HSPG2: variants seen among roughly 807,000 people sequenced by gnomAD.
The protein encoded by HSPG2 is basement membrane-specific heparan sulfate proteoglycan core protein.
HSPG2 carries 278 observed loss-of-function variants against 526.6 expected under a neutral mutation model. The ratio of observed to expected loss-of-function variants is 0.53; its 90% CI spans 0.48 to 0.58. HSPG2 has a LOEUF of 0.58. Ranked by LOEUF, HSPG2 falls within the 20% of genes least tolerant of loss-of-function variation. The pLI is 0.00. For synonymous variants in HSPG2, 2,465 were observed against 2,555.4 expected, an observed-to-expected ratio of 0.96 and a Z score of 1.07; for missense variants, 5,354 against 6,099.5, an observed-to-expected ratio of 0.88 and a Z score of 4.07.
At chr1:21,889,747 T>C (rs1642212984) in intron 6 of HSPG2, 1 of 585,396 alleles carries the variant, frequency 1.7e-6, no homozygotes, top group South Asian at 2.1e-5. Flanking sequence ...ATTGTCAATG[T>C]GCAGAGGTCT....
rs1356728685 is a variant in HSPG2, at chr1:21,855,511, C to T, written c.5854+12G>A. 1 of 1,610,666 alleles carries T rather than the reference C, an allele frequency of 6.2e-7. No individual in the cohort carries two copies. The highest frequency in any genetic ancestry group is 8.5e-7 in the Non-Finnish European group (1 of 1,179,222). On this transcript the variant is annotated intron_variant, in intron 46 of 96. Transcript: ENST00000374695. ...CACACTCCCGGCCCCCACCCTGAGC[C>T]CGGCCTCTCACCATGCACGTGGAGC...
At chr1:21,932,746 TGGGAGTGTGTTTC>T (rs1423130404) in intron 1 of HSPG2, among the ~76,000 whole-genome samples, 2 of 151,976 alleles carry the variant, frequency 1.3e-5, no homozygotes, top group African/African-American at 4.8e-5. Flanking sequence ...GACCCTAAGG[TGGGAGTGTGTTTC>T]ACATGCTCAA....
At chr1:21,841,925 C>A (rs375109511) in intron 69 of HSPG2, 77 bp downstream of exon 69, 1 of 1,585,290 alleles carries the variant, frequency 6.3e-7, no homozygotes, top group Non-Finnish European at 8.6e-7. Context: ...GACTTCTGCC[C>A]CACCCTTGCA....
At chr1:21,908,394 TGA>T in intron 1 of HSPG2, 1 of 1,053,032 alleles carries the variant, frequency 9.5e-7, no homozygotes, top group Non-Finnish European at 1.5e-6. Flanking sequence ...TTAAGCACTC[TGA>T]GAGCCGAGAT....
At chr1:21,931,557 T>C (rs1412133049) in intron 1 of HSPG2, among the ~76,000 whole-genome samples, 1 of 152,130 alleles carries the variant, frequency 6.6e-6, no homozygotes, top group Admixed American at 6.5e-5. Flanking sequence ...CCAAGTCATA[T>C]TCACTTCCTC....
intron 57 of HSPG2, 41 bp from the exon 58 acceptor site, chr1:21,849,072 C>T: frequency 6.2e-7 from 1 of 1,604,108 alleles, no homozygotes; most frequent in Admixed American, 1.7e-5. Context: ...CAGAGCTGGG[C>T]ACTGCGGCTC....
chr1:21,884,752 G>C lies in HSPG2; in HGVS notation c.1507+15C>G, dbSNP rs370657870. ...TCTGCCCCCACACCCGGTGACACCT[G>C]CCCTCCGGCAGTACCTCGTTGTGGG... On this transcript the variant is annotated intron_variant, in intron 12 of 96. Coordinates refer to ENST00000374695, the MANE Select transcript of HSPG2 (RefSeq NM_005529.7). The C allele has an allele frequency of 4.0e-5, 65 of 1,613,038 alleles. No individual in the cohort carries two copies. The African/African-American group carries it at 8.3e-4, about 21-fold the overall frequency.
intron 80 of HSPG2, 55 bp from the exon 81 acceptor site, chr1:21,832,661 TC>T: frequency 1.4e-6 from 2 of 1,380,694 alleles, no homozygotes; most frequent in East Asian, 2.3e-5. Context: ...CTCCCTGTCC[TC>T]CCCCACCCTA....
At position 21,831,492 on chromosome 1, in the gene HSPG2, G is replaced by A; in HGVS notation, c.11423C>T (p.Pro3808Leu). The change falls in exon 83 of 97, where the codon CCC (proline) becomes CTC (leucine). Residue 3808 changes from proline to leucine, a missense_variant. Physicochemically the swap from Pro to Leu is moderately conservative, Grantham distance 98. Transcript: ENST00000374695. ...GAAGCCGCTGCTCAGCCCCGCCTTG[G>A]GGATGGCACCATAGTCAGGATAGCC... ...LGGYPDYGAIPKAGLSSGFIG... is the reference protein window; with the variant it reads ...LGGYPDYGAILKAGLSSGFIG... 2 of 1,614,114 alleles carry A rather than the reference G, an allele frequency of 1.2e-6. No homozygotes were observed. The highest frequency in any genetic ancestry group is 1.3e-5 in the African/African-American group (1 of 75,046).
rs1303145087 is a variant in HSPG2, at chr1:21,828,931, G to A, written c.12141C>T (p.Asn4047=). Residue 4047 remains asparagine, a synonymous_variant, in exon 88 of 97, where the codon AAC becomes AAT. Coordinates refer to ENST00000374695, the MANE Select transcript of HSPG2 (RefSeq NM_005529.7). This position sits in a 1 kb window ranked among gnomAD's most constrained non-coding sequence, Gnocchi z 6.0. ...CCCCCAGGTAGAGCAGGGTGTGCAG[G>A]TTGAGGCCCTGGCTCTTGCCGGGCG... ...RSSPGKSQGL[N]LHTLLYLGGV... 3.2e-6 allele frequency: 5 copies of A among 1,570,386 alleles called. No homozygotes were observed. The East Asian group carries it at 7.1e-5, about 22-fold the overall frequency.
chr1:21,873,039 G>C lies in HSPG2; in HGVS notation c.3846C>G (p.Ser1282Arg), dbSNP rs747787010. ...CAGCAGCATCACACTGGCTGCTGAC[G>C]CTGCCTTGGGGGTCACAGTTGCAGC... The part of the protein sequence containing the change: ...PIGCNCDPQG[S>R]VSSQCDAAGQ... The change falls in exon 31 of 97, where the codon AGC becomes AGG. Residue 1282 changes from serine (S) to arginine (R), a missense_variant. Transcript: ENST00000374695. The C allele has an allele frequency of 3.5e-5, 56 of 1,606,016 alleles. No individual in the cohort carries two copies. Among genetic ancestry groups the C allele is most frequent in the Non-Finnish European group, 4.2e-5 (50 of 1,179,962 alleles).
chr1:21,847,306 G>A lies in HSPG2; in HGVS notation c.8164+48C>T, dbSNP rs533357782. 3 of 1,610,700 alleles carry A rather than the reference G, an allele frequency of 1.9e-6. No individual in the cohort carries two copies. Among genetic ancestry groups the A allele is most frequent in the East Asian group, 4.5e-5 (2 of 44,874 alleles). On this transcript the variant is annotated intron_variant, in intron 62 of 96. Coordinates refer to ENST00000374695, the MANE Select transcript of HSPG2 (RefSeq NM_005529.7). This position sits in a 1 kb window ranked among gnomAD's most constrained non-coding sequence, Gnocchi z 4.1. ...CTGACCTGAAAGTTCCTTCTCCCCA[G>A]GGAACACTGTTGCCTGCATCCCTCG...
intron 1 of HSPG2, among the ~76,000 whole-genome samples, chr1:21,930,288 A>G (rs2152804552): frequency 6.6e-6 from 1 of 152,180 alleles, no homozygotes; most frequent in Admixed American, 6.5e-5. Flanking sequence ...ATCTTATCAG[A>G]GGCTTTTCCT....
In HSPG2 at chr1:21,830,078, G is replaced by C. The variant is rs62642501; in HGVS notation, c.11685C>G (p.Pro3895=). 5.5e-4 allele frequency: 886 copies of C among 1,597,792 alleles called. 4 individuals are homozygous for C. The African/African-American group carries it at 9.5e-3, about 17-fold the overall frequency. ...CAGGCCGGTTCACACAGGTGGCGTC[G>C]GGCCCACAGGCCTCTGGGGGGCACA... The part of the protein sequence containing the change: ...ALHCHPEACG[P]DATCVNRPDG... Residue 3895 remains proline, a synonymous_variant, in exon 86 of 97, where the codon CCC becomes CCG. Transcript: ENST00000374695.
intron 1 of HSPG2, among the ~76,000 whole-genome samples, chr1:21,929,459 G>T (rs1014661493): frequency 6.6e-6 from 1 of 151,684 alleles, no homozygotes; most frequent in Non-Finnish European, 1.5e-5. Flanking sequence ...CCAGGCTGGA[G>T]CGCAGTGGCA....
At chr1:21,876,447 G>C (rs763173925) in intron 22 of HSPG2, 42 bp from the exon 23 acceptor site, 1 of 1,612,038 alleles carries the variant, frequency 6.2e-7, no homozygotes, top group Non-Finnish European at 8.5e-7. Flanking sequence ...CCGTGGCCTG[G>C]GACTGGCGCT....
rs1386675777 is a variant in HSPG2 at position 21,878,497 on chromosome 1, G to A, written c.2559-6C>T. On this transcript the variant is annotated splice_region_variant and splice_polypyrimidine_tract_variant and intron_variant, in intron 19 of 96. Transcript: ENST00000374695. ...CCTCGTATCCGGGGGCACAGCTAGG[G>A]GAGAGAGGGGGCCGCCATCAGCACT... 3.1e-6 allele frequency: 5 copies of A among 1,613,250 alleles called. No homozygotes were observed. The South Asian group carries it at 5.5e-5, about 18-fold the overall frequency.
chr1:21,846,415 C>A (rs765964814), intron 63 of HSPG2, 33 bp downstream of exon 63: 5 of 1,612,554 alleles, frequency 3.1e-6, no homozygotes, highest in Non-Finnish European at 4.2e-6. Context: ...CCACATCCAG[C>A]GGCTCTCCCA....
intron 40 of HSPG2, 27 bp from the exon 41 acceptor site, chr1:21,860,029 G>C (rs955186367): frequency 1.2e-6 from 2 of 1,607,918 alleles, no homozygotes; most frequent in African/African-American, 2.7e-5. Flanking sequence ...GGACAGGAAG[G>C]GCCTTTCAGC....
Sources: allele counts gnomAD v4.1 joint callset (sites outside exome capture counted in the v4.1 genomes callset), GRCh38; gene constraint gnomAD v4.1.1; non-coding constraint Gnocchi (gnomAD v3.1); transcripts MANE v1.5; gene names NCBI Gene and HGNC (gene_info 2026-07-23, HGNC 2026-07-21).